The following ZBTB7C variants were observed in gnomAD, a reference collection of about 807,000 sequenced individuals.
ZBTB7C encodes zinc finger and BTB domain-containing protein 7C.
In ZBTB7C, 8 loss-of-function variants were observed where a neutral mutation model predicts 25.7. The observed-to-expected ratio is 0.31, with a 90% CI of 0.18 to 0.56. The LOEUF (loss-of-function observed/expected upper bound fraction) is 0.56, where lower values mean the gene tolerates loss of function less well. Among genes scored for constraint, ZBTB7C ranks in the 20% least tolerant of loss-of-function variants. The pLI, the probability that ZBTB7C is intolerant of heterozygous loss-of-function variation, is 0.91. For missense variants in ZBTB7C, 824 were observed against 855.2 expected (o/e 0.96, Z 0.46); for synonymous variants, 394 against 369.0 (o/e 1.07, Z -0.78).
In ZBTB7C at chr18:48,029,519, A is replaced by C. The variant is rs759781201; in HGVS notation, c.1601T>G (p.Phe534Cys). Residue 534 changes from phenylalanine to cysteine, a missense_variant, in exon 5 of 5, where the codon TTC becomes TGC. Phe to Cys is a radical substitution (Grantham distance 205, BLOSUM62 -2). Transcript: ENST00000590800. ...CLPGPSPAKH[F>C]LAAPKGALSL... is the part of the protein sequence containing the mutation. ...CAGGGCGCCCTTGGGCGCTGCCAGG[A>C]AGTGCTTGGCGGGGCTGGGGCCCGG... 4 of 1,582,618 alleles carry C rather than the reference A, an allele frequency of 2.5e-6. No homozygotes were observed. In the Admixed American group the frequency reaches 7.0e-5, roughly 28 times the overall value.
At chr18:48,111,869 G>A (rs1247068865) in intron 3 of ZBTB7C, among the ~76,000 whole-genome samples, 1 of 152,146 alleles carries the variant, frequency 6.6e-6, no homozygotes, top group African/African-American at 2.4e-5. Context: ...TTCGGACCCT[G>A]AAATTATTAC....
At chr18:48,345,382 C>T (rs1463056069) in intron 1 of ZBTB7C, among the ~76,000 whole-genome samples, 1 of 152,184 alleles carries the variant, frequency 6.6e-6, no homozygotes, top group African/African-American at 2.4e-5. Context: ...GGGCTATCAG[C>T]TACCTTTCAA....
intron 3 of ZBTB7C, among the ~76,000 whole-genome samples, chr18:48,131,634 T>A (rs936873704): frequency 6.6e-6 from 1 of 152,176 alleles, no homozygotes; most frequent in African/African-American, 2.4e-5. Flanking sequence ...AATATCAGCA[T>A]GAAATAGAGT....
intron 2 of ZBTB7C, among the ~76,000 whole-genome samples, chr18:48,257,772 TGTATTAACAA>T (rs2044060291): frequency 6.6e-6 from 1 of 150,740 alleles, no homozygotes; most frequent in Non-Finnish European, 1.5e-5. Context: ...TGTAAGGCGC[TGTATTAACAA>T]GCTGAAAAAA....
chr18:48,145,610 A>G (rs1030166690), intron 3 of ZBTB7C, among the ~76,000 whole-genome samples: 35 of 152,252 alleles, frequency 2.3e-4, no homozygotes, highest in Admixed American at 2.3e-3. Context: ...TCAGATAAGA[A>G]GAGGAAGTGG....
At chr18:48,133,806 C>A (rs2040061108) in intron 3 of ZBTB7C, among the ~76,000 whole-genome samples, 1 of 152,142 alleles carries the variant, frequency 6.6e-6, no homozygotes. Context: ...CAACCCGATT[C>A]CCCTCCCTCT....
chr18:48,339,096 G>C (rs943038512), intron 1 of ZBTB7C, among the ~76,000 whole-genome samples: 2 of 152,240 alleles, frequency 1.3e-5, no homozygotes, highest in African/African-American at 4.8e-5. Flanking sequence ...GCTGTGTCAG[G>C]AGGGGCCAAA....
chr18:48,236,366 C>T (rs16948952), intron 2 of ZBTB7C, among the ~76,000 whole-genome samples: 1,716 of 152,276 alleles, frequency 0.011, 37 homozygotes, highest in African/African-American at 0.039. Context: ...AAACTTGGAA[C>T]AGGGTTTTAG....
At chr18:48,306,676 C>G (rs949503794) in intron 2 of ZBTB7C, among the ~76,000 whole-genome samples, 7 of 152,152 alleles carry the variant, frequency 4.6e-5, no homozygotes, top group Non-Finnish European at 8.8e-5. Context: ...CTGTCCTCTC[C>G]TCTTCTCCTA....
chr18:48,148,094 T>G (rs931312595), intron 3 of ZBTB7C: 3 of 151,804 alleles, frequency 2.0e-5, no homozygotes, highest in African/African-American at 7.3e-5. Flanking sequence ...CCTCCCGAGT[T>G]CAAGTGATTC....
chr18:48,167,563 G>GGTGGGTGTGT (rs1555705398), intron 3 of ZBTB7C, among the ~76,000 whole-genome samples: 2 of 142,484 alleles, frequency 1.4e-5, no homozygotes, highest in African/African-American at 5.3e-5. Context: ...GCATTGCTAG[G>GGTGGGTGTGT]GTGTGTGTGT....
At chr18:48,132,257 C>T (rs2040009190) in intron 3 of ZBTB7C, among the ~76,000 whole-genome samples, 1 of 152,150 alleles carries the variant, frequency 6.6e-6, no homozygotes. Context: ...AAATGAAGTA[C>T]TGATGCATGC....
At chr18:48,131,011 C>A (rs1490535050) in intron 3 of ZBTB7C, among the ~76,000 whole-genome samples, 2 of 152,226 alleles carry the variant, frequency 1.3e-5, no homozygotes, top group African/African-American at 4.8e-5. Flanking sequence ...TCAAGCGATT[C>A]TCCTGCCTCC....
At chr18:48,238,208 T>C (rs1293255427) in intron 2 of ZBTB7C, among the ~76,000 whole-genome samples, 1 of 152,222 alleles carries the variant, frequency 6.6e-6, no homozygotes, top group Non-Finnish European at 1.5e-5. Flanking sequence ...GTGTTTGCAT[T>C]ATAACTATTA....
intron 2 of ZBTB7C, among the ~76,000 whole-genome samples, chr18:48,276,093 C>A (rs1023547966): frequency 2.0e-5 from 3 of 152,000 alleles, no homozygotes; most frequent in Non-Finnish European, 4.4e-5. Context: ...GGTAAAAGAT[C>A]ATTGAGACAG....
rs932972474 is a variant in ZBTB7C at position 48,046,022 on chromosome 18, C to T, written c.-16-4899G>A. Among the ~76,000 whole-genome samples, 7 of 152,316 alleles carry T rather than the reference C, an allele frequency of 4.6e-5. No homozygotes were observed. The East Asian group carries it at 5.8e-4, about 13-fold the overall frequency. On this transcript the variant is annotated intron_variant, in intron 3 of 4. Transcript: ENST00000590800. ...ATCCTCCAGCCCCAGTCAGGACTCC[C>T]GACGACAGCAGCCCTGGCTGACATC...
intron 3 of ZBTB7C, among the ~76,000 whole-genome samples, chr18:48,116,383 A>G (rs1484562902): frequency 6.6e-6 from 1 of 152,206 alleles, no homozygotes; most frequent in African/African-American, 2.4e-5. Flanking sequence ...AGATGAATGT[A>G]TCAATATTAA....
intron 3 of ZBTB7C, among the ~76,000 whole-genome samples, chr18:48,181,887 A>G (rs1185737984): frequency 6.6e-6 from 1 of 152,218 alleles, no homozygotes; most frequent in East Asian, 1.9e-4. Context: ...TTTATTGCTT[A>G]TTCTGTTTTA....
chr18:48,192,358 A>G (rs1194924591), intron 2 of ZBTB7C, among the ~76,000 whole-genome samples: 1 of 152,208 alleles, frequency 6.6e-6, no homozygotes, highest in African/African-American at 2.4e-5. Flanking sequence ...CAGTGGAACT[A>G]TTCTGCATGA....
Sources: allele counts gnomAD v4.1 joint callset (sites outside exome capture counted in the v4.1 genomes callset), GRCh38; gene constraint gnomAD v4.1.1; transcripts MANE v1.5; gene names NCBI Gene and HGNC (gene_info 2026-07-23, HGNC 2026-07-21).